The following C7orf78 variants were observed in gnomAD, a reference collection of about 807,000 sequenced individuals.
C7orf78 encodes chromosome 7 open reading frame 78.
At chr7:12,495,796 G>A in the C7orf78 span, among the ~76,000 whole-genome samples, 1 of 152,072 alleles carries the variant, frequency 6.6e-6, no homozygotes, top group Non-Finnish European at 1.5e-5. Context: ...ACAAACATAT[G>A]TAATTCAAAT....
the C7orf78 span, among the ~76,000 whole-genome samples, chr7:12,514,538 T>C: frequency 6.6e-6 from 1 of 152,144 alleles, no homozygotes. Context: ...TCATTTACTT[T>C]CAAGGTTATT....
chr7:12,516,723 G>T, the C7orf78 span, among the ~76,000 whole-genome samples: 1 of 152,218 alleles, frequency 6.6e-6, no homozygotes, highest in Non-Finnish European at 1.5e-5. Flanking sequence ...GAGACCTGGA[G>T]TCAAAGGAGA....
At chr7:12,484,749 T>C in the C7orf78 span, among the ~76,000 whole-genome samples, 1 of 152,202 alleles carries the variant, frequency 6.6e-6, no homozygotes, top group South Asian at 2.1e-4. Context: ...GTTGTACTTT[T>C]ATTAGTACAG....
At chr7:12,527,625 C>T in the C7orf78 span, among the ~76,000 whole-genome samples, 2 of 131,006 alleles carry the variant, frequency 1.5e-5, no homozygotes, top group Admixed American at 7.6e-5. Flanking sequence ...TGCCATCTAG[C>T]TGTGTAATTG....
At chr7:12,498,469 G>T in the C7orf78 span, among the ~76,000 whole-genome samples, 1 of 151,822 alleles carries the variant, frequency 6.6e-6, no homozygotes, top group Admixed American at 6.6e-5. Context: ...CGATCAACTG[G>T]AAGAAAGGGT....
the C7orf78 span, among the ~76,000 whole-genome samples, chr7:12,510,183 G>A: frequency 1.3e-5 from 2 of 151,854 alleles, no homozygotes; most frequent in African/African-American, 4.8e-5. Flanking sequence ...GGGAGGGTGG[G>A]GGGGTTTCTT....
At chr7:12,498,603 T>G in the C7orf78 span, among the ~76,000 whole-genome samples, 1 of 152,248 alleles carries the variant, frequency 6.6e-6, no homozygotes, top group African/African-American at 2.4e-5. Flanking sequence ...CAAATCTACG[T>G]CTGATTGGTG....
the C7orf78 span, among the ~76,000 whole-genome samples, chr7:12,537,572 G>A: frequency 6.6e-6 from 1 of 152,178 alleles, no homozygotes. Context: ...ATATTCTAAA[G>A]TTGGATGTAT....
At chr7:12,536,141 T>G in the C7orf78 span, among the ~76,000 whole-genome samples, 1 of 152,320 alleles carries the variant, frequency 6.6e-6, no homozygotes, top group African/African-American at 2.4e-5. Context: ...GCACATTACC[T>G]GTCTGTACTG....
the C7orf78 span, among the ~76,000 whole-genome samples, chr7:12,503,805 T>G: frequency 6.6e-6 from 1 of 152,052 alleles, no homozygotes; most frequent in Non-Finnish European, 1.5e-5. Context: ...AGGAGGAATT[T>G]TCCACATAAA....
chr7:12,484,720 G>A, the C7orf78 span, among the ~76,000 whole-genome samples: 2 of 152,136 alleles, frequency 1.3e-5, no homozygotes, highest in African/African-American at 4.8e-5. Flanking sequence ...GGTTGGAGGT[G>A]TAATAGAATA....
At chr7:12,535,860 T>A in the C7orf78 span, among the ~76,000 whole-genome samples, 8 of 152,160 alleles carry the variant, frequency 5.3e-5, no homozygotes, top group Non-Finnish European at 1.5e-5. Context: ...TTCAAAATGA[T>A]CTCCTTTGAC....
chr7:12,533,512 C>CTTT, the C7orf78 span, among the ~76,000 whole-genome samples: 6 of 112,604 alleles, frequency 5.3e-5, no homozygotes, highest in Non-Finnish European at 7.2e-5. Context: ...CCAAAGGTTT[C>CTTT]TTTTTTTTTT....
chr7:12,502,501 A>G, the C7orf78 span, among the ~76,000 whole-genome samples: 8 of 151,142 alleles, frequency 5.3e-5, no homozygotes, highest in South Asian at 8.3e-4. Context: ...GTCACTGGCC[A>G]TCAGAGAAAT....
the C7orf78 span, among the ~76,000 whole-genome samples, chr7:12,517,050 C>T: frequency 1.3e-5 from 2 of 151,928 alleles, no homozygotes; most frequent in Non-Finnish European, 2.9e-5. Context: ...TTGGAGGGGC[C>T]AGGGGTGGAA....
chr7:12,500,476 C>G, the C7orf78 span, among the ~76,000 whole-genome samples: 1 of 150,126 alleles, frequency 6.7e-6, no homozygotes, highest in Non-Finnish European at 1.5e-5. Flanking sequence ...ACTAGAAAAT[C>G]TAGAAGAAAT....
chr7:12,499,838 C>T, the C7orf78 span, among the ~76,000 whole-genome samples: 1 of 148,576 alleles, frequency 6.7e-6, no homozygotes, highest in Non-Finnish European at 1.5e-5. Context: ...AAGTAAAGCT[C>T]TCCTCAACAA....
chr7:12,491,990 A>T, the C7orf78 span: 1 of 152,180 alleles, frequency 6.6e-6, no homozygotes, highest in South Asian at 2.1e-4. Context: ...TCTCTGCCTC[A>T]AAAAGAAACT....
chr7:12,517,031 A>G, the C7orf78 span, among the ~76,000 whole-genome samples: 2 of 152,056 alleles, frequency 1.3e-5, no homozygotes, highest in South Asian at 4.1e-4. Flanking sequence ...AAATGTGAGG[A>G]CATGAGATTT....
Sources: allele counts gnomAD v4.1 joint callset (sites outside exome capture counted in the v4.1 genomes callset), GRCh38; gene constraint gnomAD v4.1.1; transcripts MANE v1.5; gene names NCBI Gene and HGNC (gene_info 2026-07-23, HGNC 2026-07-21).